The following TRPC5 variants were observed in gnomAD, a reference collection of about 807,000 sequenced individuals.
The protein encoded by TRPC5 is transient receptor potential cation channel subfamily C member 5, also known as short transient receptor potential channel 5.
In TRPC5, 9 loss-of-function variants were observed where a neutral mutation model predicts 56.5. That is an observed-to-expected ratio of 0.16 (90% confidence interval 0.10 to 0.28). TRPC5 has a LOEUF of 0.28. Ranked by LOEUF, TRPC5 falls within the 10% of genes least tolerant of loss-of-function variation. The probability of loss-of-function intolerance (pLI) is 1.00; values close to 1 mark genes in which losing one functional copy is unlikely to be tolerated. For synonymous variants in TRPC5, 282 were observed against 278.5 expected, an observed-to-expected ratio of 1.01 and a Z score of -0.13; for missense variants, 469 against 748.9, an observed-to-expected ratio of 0.63 and a Z score of 4.36.
At chrX:111,946,706 C>A (rs993478426) in intron 2 of TRPC5, among the ~76,000 whole-genome samples, 1 of 112,425 alleles carries the variant, frequency 8.9e-6, no homozygotes, top group Admixed American at 9.4e-5. Context: ...TTATATATCA[C>A]CCATCATGTA....
At chrX:111,800,213 T>C (rs747283476) in intron 7 of TRPC5, among the ~76,000 whole-genome samples, 10 of 111,572 alleles carry the variant, frequency 9.0e-5, no homozygotes, top group Non-Finnish European at 1.7e-4. Flanking sequence ...TCCCTTCCTC[T>C]TCAGCCTACT....
intron 1 of TRPC5, among the ~76,000 whole-genome samples, chrX:112,029,143 G>A (rs1040818722): frequency 1.1e-5 from 1 of 92,415 alleles, no homozygotes; most frequent in South Asian, 5.9e-4. Context: ...CCAACCCCCC[G>A]TTACCCTTCC....
chrX:111,921,447 ATT>A (rs374404931), intron 2 of TRPC5, among the ~76,000 whole-genome samples: 8 of 103,543 alleles, frequency 7.7e-5, no homozygotes, highest in South Asian at 4.2e-4. Flanking sequence ...ACGATTTAAC[ATT>A]TTTTTTTTTT....
At chrX:112,013,600 C>A (rs1929046840) in intron 1 of TRPC5, among the ~76,000 whole-genome samples, 1 of 111,391 alleles carries the variant, frequency 9.0e-6, no homozygotes, top group Admixed American at 9.9e-5. Context: ...AAGGCAGAGG[C>A]AGGGCCCAAA....
At chrX:112,018,638 T>C (rs1328345457) in intron 1 of TRPC5, among the ~76,000 whole-genome samples, 4 of 112,524 alleles carry the variant, frequency 3.6e-5, no homozygotes, top group Non-Finnish European at 5.6e-5. Flanking sequence ...AGGACCTATA[T>C]TAGTTTTTTA....
At chrX:111,796,265 T>G (rs1003657529) in intron 7 of TRPC5, among the ~76,000 whole-genome samples, 1 of 111,971 alleles carries the variant, frequency 8.9e-6, no homozygotes, top group African/African-American at 3.2e-5. Flanking sequence ...TTCTTTGACA[T>G]AGGATATGTC....
chrX:111,912,170 G>C (rs1393029659), intron 3 of TRPC5, 121 bp downstream of exon 3: 1 of 834,639 alleles, frequency 1.2e-6, no homozygotes, highest in East Asian at 3.2e-5. Flanking sequence ...CTAGCTGTGA[G>C]GCCTGCCCAA....
At chrX:111,789,176 C>T (rs886517355) in intron 7 of TRPC5, among the ~76,000 whole-genome samples, 1 of 111,519 alleles carries the variant, frequency 9.0e-6, no homozygotes, top group Non-Finnish European at 1.9e-5. Context: ...ACTACAAGGC[C>T]ACTGTAACCA....
chrX:112,029,984 C>T (rs767329635), intron 1 of TRPC5, among the ~76,000 whole-genome samples: 3 of 111,328 alleles, frequency 2.7e-5, no homozygotes, highest in Admixed American at 1.9e-4. Flanking sequence ...TGTGCAACCA[C>T]GCCTGGCTAT....
intron 1 of TRPC5, among the ~76,000 whole-genome samples, chrX:111,964,957 C>T (rs1041932032): frequency 8.9e-6 from 1 of 111,795 alleles, no homozygotes; most frequent in Non-Finnish European, 1.9e-5. Context: ...ATGACAGGAC[C>T]AAATTCACAC....
chrX:111,818,432 G>A (rs1921927432), intron 7 of TRPC5, among the ~76,000 whole-genome samples: 1 of 110,959 alleles, frequency 9.0e-6, no homozygotes, highest in Non-Finnish European at 1.9e-5. Flanking sequence ...GCCCACTGAG[G>A]TTAGAGACTT....
At chrX:111,810,541 TAAA>T (rs1392943537) in intron 7 of TRPC5, among the ~76,000 whole-genome samples, 2 of 111,117 alleles carry the variant, frequency 1.8e-5, no homozygotes, top group African/African-American at 3.3e-5. Flanking sequence ...AACTCTGAGT[TAAA>T]AAATTGAGTG....
At chrX:111,909,352 A>AAATG (rs201247309) in intron 3 of TRPC5, among the ~76,000 whole-genome samples, 1 of 95,730 alleles carries the variant, frequency 1.0e-5, no homozygotes, top group Non-Finnish European at 2.1e-5. Flanking sequence ...ATAAATAAAT[A>AAATG]AATAAATTAA....
chrX:111,953,903 G>C (rs184290246), intron 1 of TRPC5, among the ~76,000 whole-genome samples: 30 of 111,593 alleles, frequency 2.7e-4, no homozygotes, highest in African/African-American at 7.2e-4. Flanking sequence ...GCCCTGAGCA[G>C]GCCCAAATGA....
chrX:111,958,265 T>A (rs770713856), intron 1 of TRPC5, among the ~76,000 whole-genome samples: 1 of 112,196 alleles, frequency 8.9e-6, no homozygotes, highest in African/African-American at 3.2e-5. Context: ...CACATGTCAT[T>A]CTACATCTCA....
intron 7 of TRPC5, among the ~76,000 whole-genome samples, chrX:111,827,761 A>G (rs58648237): frequency 0.019 from 2,074 of 111,264 alleles, 60 homozygotes; most frequent in African/African-American, 0.063. Context: ...TCTATTCCCA[A>G]TCAGACACAG....
chrX:111,863,075 GAAGCCTCCATTCT>G (rs779790694), intron 3 of TRPC5, among the ~76,000 whole-genome samples: 7 of 111,932 alleles, frequency 6.3e-5, no homozygotes, highest in Middle Eastern at 4.6e-3. Context: ...ATGAATCAGG[GAAGCCTCCATTCT>G]ACAAAATAGA....
chrX:111,963,091 C>A (rs1372158080), intron 1 of TRPC5, among the ~76,000 whole-genome samples: 1 of 112,183 alleles, frequency 8.9e-6, no homozygotes, highest in African/African-American at 3.2e-5. Context: ...AAAGGGGTGA[C>A]AGATGGCACC....
intron 1 of TRPC5, among the ~76,000 whole-genome samples, chrX:112,067,738 A>G (rs1397507715): frequency 8.9e-6 from 1 of 111,947 alleles, no homozygotes; most frequent in Non-Finnish European, 1.9e-5. Flanking sequence ...CAGAGATGAG[A>G]AGAGAGGCAG....
Sources: allele counts gnomAD v4.1 joint callset (sites outside exome capture counted in the v4.1 genomes callset), GRCh38; gene constraint gnomAD v4.1.1; transcripts MANE v1.5; gene names NCBI Gene and HGNC (gene_info 2026-07-23, HGNC 2026-07-21).